The following SVOPL variants were observed in gnomAD, a reference collection of about 807,000 sequenced individuals.
The protein encoded by SVOPL is SVOP like.
SVOPL carries 60 observed loss-of-function variants against 61.0 expected under a neutral mutation model. That is an observed-to-expected ratio of 0.98 (90% confidence interval 0.80 to 1.22). SVOPL has a LOEUF of 1.22. Among genes scored for constraint, SVOPL ranks in the 50% most tolerant of loss-of-function variants. The pLI is 0.00. For missense variants in SVOPL, 662 were observed against 643.9 expected, an observed-to-expected ratio of 1.03 and a Z score of -0.30; for synonymous variants, 279 against 250.0, an observed-to-expected ratio of 1.12 and a Z score of -1.09.
intron 6 of SVOPL, among the ~76,000 whole-genome samples, chr7:138,657,561 T>G (rs1430887778): frequency 6.6e-6 from 1 of 152,230 alleles, no homozygotes; most frequent in African/African-American, 2.4e-5. Context: ...TATTTTCTTC[T>G]GAATATAAGA....
intron 1 of SVOPL, among the ~76,000 whole-genome samples, chr7:138,691,434 G>T (rs1311410250): frequency 1.3e-5 from 2 of 152,178 alleles, no homozygotes; most frequent in Non-Finnish European, 2.9e-5. Context: ...CATTTTAGAG[G>T]GGCACTAAAA....
At chr7:138,653,898 A>C (rs1023879384) in intron 7 of SVOPL, among the ~76,000 whole-genome samples, 2 of 149,998 alleles carry the variant, frequency 1.3e-5, no homozygotes, top group Non-Finnish European at 3.0e-5. Context: ...ATGCCACCAC[A>C]CTCCAGCCTG....
At chr7:138,661,365 T>G in intron 5 of SVOPL, 1 of 985,434 alleles carries the variant, frequency 1.0e-6, no homozygotes. Flanking sequence ...CACTCTAATA[T>G]GTTTTAACTC....
intron 14 of SVOPL, among the ~76,000 whole-genome samples, chr7:138,615,447 C>A (rs1799248783): frequency 6.6e-6 from 1 of 151,524 alleles, no homozygotes; most frequent in Non-Finnish European, 1.5e-5. Flanking sequence ...GTCCCAGCTA[C>A]TCGGGAGGCT....
intron 8 of SVOPL, 109 bp from the exon 9 acceptor site, chr7:138,644,954 T>C (rs1801022689): frequency 2.1e-6 from 3 of 1,428,112 alleles, no homozygotes; most frequent in Non-Finnish European, 1.9e-6. Flanking sequence ...ATAGGAAAAG[T>C]ATGTAACCAG....
At chr7:138,622,217 T>TGTAA (rs879449767) in intron 13 of SVOPL, among the ~76,000 whole-genome samples, 29,146 of 102,982 alleles carry the variant, frequency 0.28, 5,397 homozygotes, top group East Asian at 0.62. Context: ...TATCTATCTA[T>TGTAA]CTATGTATCT....
At chr7:138,626,109 G>T in intron 12 of SVOPL, 59 bp from the exon 13 acceptor site, 1 of 1,518,992 alleles carries the variant, frequency 6.6e-7, no homozygotes, top group Non-Finnish European at 9.1e-7. Context: ...CACCTCCAGT[G>T]GCCCAGCTTC....
chr7:138,662,918 G>A (rs548899712), intron 5 of SVOPL, 156 bp downstream of exon 5: 1 of 1,457,990 alleles, frequency 6.9e-7, no homozygotes, highest in African/African-American at 1.4e-5. Flanking sequence ...ATGTCCAGAA[G>A]ATAAGCCTGG....
intron 9 of SVOPL, among the ~76,000 whole-genome samples, chr7:138,632,633 G>A (rs1359960999): frequency 6.6e-6 from 1 of 151,716 alleles, no homozygotes; most frequent in Non-Finnish European, 1.5e-5. Flanking sequence ...GAGGAAGTAG[G>A]ATGTGGAGGG....
chr7:138,692,751 A>T (rs1185439602), intron 1 of SVOPL, among the ~76,000 whole-genome samples: 4 of 152,088 alleles, frequency 2.6e-5, no homozygotes, highest in Admixed American at 2.6e-4. Flanking sequence ...ACATGGCCAT[A>T]AAAAAAGGGG....
At chr7:138,699,427 A>T (rs1488116915) in intron 1 of SVOPL, among the ~76,000 whole-genome samples, 1 of 150,110 alleles carries the variant, frequency 6.7e-6, no homozygotes, top group Admixed American at 6.8e-5. Context: ...GGGATCAAAT[A>T]AAAAATTACC....
At chr7:138,625,011 G>C (rs1197801570) in intron 13 of SVOPL, 1 of 152,070 alleles carries the variant, frequency 6.6e-6, no homozygotes, top group Non-Finnish European at 1.5e-5. Context: ...TGGAACCAAC[G>C]TTTATGGTTA....
intron 14 of SVOPL, among the ~76,000 whole-genome samples, chr7:138,620,311 G>A (rs1221122864): frequency 6.7e-6 from 1 of 150,354 alleles, no homozygotes; most frequent in Non-Finnish European, 1.5e-5. Context: ...AGTAGAGATG[G>A]GGTTTCACCA....
chr7:138,672,391 G>A (rs1041032952), intron 3 of SVOPL, among the ~76,000 whole-genome samples: 13 of 152,150 alleles, frequency 8.5e-5, no homozygotes, highest in African/African-American at 3.1e-4. Context: ...CAATGCAGTT[G>A]CATGGTAGCA....
At chr7:138,676,753 T>A (rs1802570915) in intron 3 of SVOPL, among the ~76,000 whole-genome samples, 1 of 152,192 alleles carries the variant, frequency 6.6e-6, no homozygotes, top group Non-Finnish European at 1.5e-5. Flanking sequence ...GTTTTCTCCA[T>A]TCTTCCCAAT....
intron 4 of SVOPL, among the ~76,000 whole-genome samples, chr7:138,667,605 G>A (rs146021678): frequency 6.6e-6 from 1 of 152,250 alleles, no homozygotes; most frequent in Non-Finnish European, 1.5e-5. Context: ...TCACAGACAT[G>A]TAACCATTTG....
At chr7:138,606,643 G>T (rs1365978958) in intron 14 of SVOPL, among the ~76,000 whole-genome samples, 1 of 152,088 alleles carries the variant, frequency 6.6e-6, no homozygotes, top group African/African-American at 2.4e-5. Flanking sequence ...GATTTTTTAG[G>T]CTGTTCCTCT....
chr7:138,685,685 C>T (rs575669311), intron 1 of SVOPL, among the ~76,000 whole-genome samples: 1 of 151,046 alleles, frequency 6.6e-6, no homozygotes, highest in South Asian at 2.1e-4. Flanking sequence ...CATGGTGAAA[C>T]CCCATATCTA....
rs1027757364 is a variant in SVOPL at position 138,631,959 on chromosome 7, A to C, written c.790-1837T>G. ...ATGGCTCAGTCCCTTCTGCTCTGAT[A>C]TCACACACACACACACACACACACA... On this transcript the variant is annotated intron_variant, in intron 9 of 15. Coordinates refer to ENST00000674285, the MANE Select transcript of SVOPL (RefSeq NM_001139456.2). 6.0e-3 allele frequency among the ~76,000 whole-genome samples: 622 copies of C among 104,084 alleles called. 5 individuals are homozygous for C. Among genetic ancestry groups the C allele is most frequent in the African/African-American group, 0.027 (581 of 21,706 alleles). 68.3% of individuals were successfully genotyped at this position (104,084 alleles called of 152,430 possible).
Sources: allele counts gnomAD v4.1 joint callset (sites outside exome capture counted in the v4.1 genomes callset), GRCh38; gene constraint gnomAD v4.1.1; transcripts MANE v1.5; gene names NCBI Gene and HGNC (gene_info 2026-07-23, HGNC 2026-07-21).